Variants in KAZN observed in about 807,000 individuals in gnomAD.
KAZN encodes the protein kazrin.
Under a neutral mutation model 87.4 loss-of-function variants are expected in KAZN, and 40 were observed. The ratio of observed to expected loss-of-function variants is 0.46; its 90% CI spans 0.36 to 0.60. The LOEUF is 0.60. Among genes scored for constraint, KAZN ranks in the 20% least tolerant of loss-of-function variants. The pLI, the probability that KAZN is intolerant of heterozygous loss-of-function variation, is 0.00. For missense variants in KAZN, 898 were observed against 1,073.9 expected (o/e 0.84, Z 2.29); for synonymous variants, 466 against 458.3 (o/e 1.02, Z -0.22).
chr1:14,648,373 A>T (rs955304352), intron 1 of KAZN, among the ~76,000 whole-genome samples: 3 of 152,258 alleles, frequency 2.0e-5, no homozygotes, highest in African/African-American at 4.8e-5. Context: ...CTTGGAAACT[A>T]AATGAGAAAC....
intron 1 of KAZN, among the ~76,000 whole-genome samples, chr1:13,945,895 C>T (rs902379581): frequency 6.6e-6 from 1 of 152,058 alleles, no homozygotes; most frequent in Non-Finnish European, 1.5e-5. Flanking sequence ...GGCTCCTATG[C>T]CTGCTTCCCT....
chr1:14,104,179 T>C (rs1644320215), intron 1 of KAZN, among the ~76,000 whole-genome samples: 1 of 152,170 alleles, frequency 6.6e-6, no homozygotes, highest in Non-Finnish European at 1.5e-5. Context: ...ACACAGCTTG[T>C]GGCCTCATTG....
At chr1:14,338,503 AAAG>A (rs761525433) in intron 2 of KAZN, among the ~76,000 whole-genome samples, 219 of 140,852 alleles carry the variant, frequency 1.6e-3, no homozygotes, top group African/African-American at 5.2e-3. Context: ...AAAAAAAAAA[AAAG>A]AGAGAGAGAG....
At chr1:14,418,969 T>C (rs1392363565) in intron 2 of KAZN, among the ~76,000 whole-genome samples, 3 of 152,176 alleles carry the variant, frequency 2.0e-5, no homozygotes, top group Non-Finnish European at 2.9e-5. Flanking sequence ...CTGTGAACTC[T>C]TGTCTGAAAA....
At chr1:13,950,190 G>A (rs1324308021) in intron 1 of KAZN, among the ~76,000 whole-genome samples, 2 of 151,350 alleles carry the variant, frequency 1.3e-5, no homozygotes, top group African/African-American at 4.8e-5. Context: ...GTCATTGGGT[G>A]CCCAGGTTTT....
At chr1:14,146,581 A>G (rs1645357564) in intron 1 of KAZN, among the ~76,000 whole-genome samples, 1 of 150,930 alleles carries the variant, frequency 6.6e-6, no homozygotes, top group African/African-American at 2.4e-5. Context: ...AGAAAGAAAG[A>G]AGATGTGGAG....
At chr1:14,342,888 C>T (rs556343997) in intron 2 of KAZN, among the ~76,000 whole-genome samples, 1 of 152,122 alleles carries the variant, frequency 6.6e-6, no homozygotes, top group Non-Finnish European at 1.5e-5. Flanking sequence ...CGCCTGTAAT[C>T]CCAGCATTTT....
At chr1:14,250,812 G>C (rs1649960092) in intron 2 of KAZN, among the ~76,000 whole-genome samples, 1 of 151,616 alleles carries the variant, frequency 6.6e-6, no homozygotes, top group Non-Finnish European at 1.5e-5. Context: ...GAACTAATCA[G>C]TAAAATTCAG....
intron 1 of KAZN, among the ~76,000 whole-genome samples, chr1:14,608,031 C>G (rs1258513758): frequency 1.3e-5 from 2 of 152,234 alleles, no homozygotes; most frequent in Non-Finnish European, 2.9e-5. Context: ...AGTTGCTTTT[C>G]CAAGCTCTGG....
chr1:14,238,121 CAG>C (rs1192270676), intron 2 of KAZN, among the ~76,000 whole-genome samples: 12 of 152,186 alleles, frequency 7.9e-5, no homozygotes, highest in African/African-American at 2.9e-4. Context: ...AGTATATTCA[CAG>C]AGTTATGCAG....
chr1:15,111,777 C>G lies in KAZN; in HGVS notation c.2049-650C>G, dbSNP rs1300585285. On this transcript the variant is annotated intron_variant, in intron 13 of 14. Transcript: ENST00000376030. ...CAACTCTGTCCTTATAGCAACAAGA[C>G]AGCAGCCATAGACAACACATAAGCA... The G allele has an allele frequency of 4.6e-5, 7 of 152,788 alleles. No homozygotes were observed. The East Asian group carries it at 1.3e-3, about 29-fold the overall frequency. 9.5% of individuals were successfully genotyped at this position (152,788 alleles called of 1,614,324 possible). A position where few individuals can be genotyped will look rare whatever the true frequency, so the allele number is the denominator to read the frequency against.
At chr1:15,039,097 T>C (rs1672648602) in intron 3 of KAZN, among the ~76,000 whole-genome samples, 2 of 151,986 alleles carry the variant, frequency 1.3e-5, no homozygotes, top group Non-Finnish European at 2.9e-5. Flanking sequence ...GTGCACCTAC[T>C]GTATACAGAC....
At chr1:14,710,584 T>C (rs1165709544) in intron 1 of KAZN, among the ~76,000 whole-genome samples, 2 of 152,170 alleles carry the variant, frequency 1.3e-5, no homozygotes, top group African/African-American at 4.8e-5. Context: ...GCCTTTGCAC[T>C]AGCTGTTCCA....
intron 1 of KAZN, among the ~76,000 whole-genome samples, chr1:14,008,314 G>T (rs1478470504): frequency 6.6e-6 from 1 of 152,226 alleles, no homozygotes; most frequent in Admixed American, 6.5e-5. Context: ...TATTGTTCTA[G>T]TAGAAGGTAT....
chr1:14,768,035 A>T (rs1644929173), intron 1 of KAZN, among the ~76,000 whole-genome samples: 3 of 152,178 alleles, frequency 2.0e-5, no homozygotes, highest in Admixed American at 1.3e-4. Context: ...TTTGGTCTTA[A>T]TGCACGCGTA....
At position 14,014,636 on chromosome 1, in the gene KAZN, A is replaced by G. The variant is rs1262385595; in HGVS notation, c.91+120880A>G. ...CAAAAGAAGAATAATATTTTGTTACATAAATGATGTGAAATTCAAATATCA... is the reference window on the plus strand; with the variant it reads ...CAAAAGAAGAATAATATTTTGTTACGTAAATGATGTGAAATTCAAATATCA... On this transcript the variant is annotated intron_variant, in intron 1 of 16. Coordinates refer to the KAZN transcript ENST00000636203. Among the ~76,000 whole-genome samples the G allele has an allele frequency of 1.2e-4, 19 of 152,242 alleles. 1 individual carries two copies. The highest frequency in any genetic ancestry group is 1.2e-3 in the Admixed American group (18 of 15,286).
At chr1:14,582,899 T>C (rs989520834) in intron 2 of KAZN, among the ~76,000 whole-genome samples, 55 of 152,296 alleles carry the variant, frequency 3.6e-4, no homozygotes, top group African/African-American at 1.2e-3. Context: ...GAATGTTGAT[T>C]TGTCTGTCTC....
chr1:14,895,385 G>A (rs970289912), intron 1 of KAZN, among the ~76,000 whole-genome samples: 1 of 152,346 alleles, frequency 6.6e-6, no homozygotes, highest in East Asian at 1.9e-4. Context: ...TGAGTCTGGA[G>A]CTGTCGCAGC....
intron 2 of KAZN, among the ~76,000 whole-genome samples, chr1:14,576,019 G>A (rs982748694): frequency 1.2e-4 from 19 of 152,104 alleles, no homozygotes; most frequent in Admixed American, 3.3e-4. Flanking sequence ...TGACAATTCC[G>A]ATTCTTACCC....
Sources: gnomAD v4.1 joint callset for allele counts (sites outside exome capture counted in the v4.1 genomes callset) on GRCh38, gnomAD v4.1.1 for gene constraint, MANE v1.5 for transcripts, NCBI Gene and HGNC (gene_info 2026-07-23, HGNC 2026-07-21) for gene names.